Variants in LRRTM4 observed in about 807,000 individuals in gnomAD.
LRRTM4 encodes the protein leucine rich repeat transmembrane neuronal 4, also known as leucine-rich repeat transmembrane neuronal protein 4.
A neutral mutation model predicts 47.6 loss-of-function variants in LRRTM4; 25 were observed. The observed-to-expected ratio is 0.53, with a 90% CI of 0.38 to 0.73. The LOEUF is 0.73. Ranked by LOEUF, LRRTM4 falls within the 30% of genes least tolerant of loss-of-function variation. LRRTM4 has a pLI of 0.00. For missense variants in LRRTM4, 638 were observed against 713.4 expected, an observed-to-expected ratio of 0.89 and a Z score of 1.20; for synonymous variants, 311 against 269.5, an observed-to-expected ratio of 1.15 and a Z score of -1.51.
chr2:77,209,917 GCTTTTTCAAAGAGTAACT>G (rs1242548553), intron 3 of LRRTM4, among the ~76,000 whole-genome samples: 1 of 152,050 alleles, frequency 6.6e-6, no homozygotes, highest in African/African-American at 2.4e-5. Context: ...TACAATTCTT[GCTTTTTCAAAGAGTAACT>G]CTTTGACTCC....
At chr2:76,982,040 G>C (rs1157391105) in intron 3 of LRRTM4, among the ~76,000 whole-genome samples, 1 of 151,972 alleles carries the variant, frequency 6.6e-6, no homozygotes. Flanking sequence ...GCTAACAAAA[G>C]GATTGTGCTC....
intron 3 of LRRTM4, among the ~76,000 whole-genome samples, chr2:77,400,236 T>A (rs1433034323): frequency 6.6e-6 from 1 of 150,462 alleles, no homozygotes; most frequent in African/African-American, 2.5e-5. Flanking sequence ...ATTCTAAATA[T>A]TCCTGTTTTT....
chr2:76,950,142 C>T (rs1022407166), intron 3 of LRRTM4, among the ~76,000 whole-genome samples: 4 of 151,882 alleles, frequency 2.6e-5, no homozygotes, highest in African/African-American at 9.7e-5. Context: ...CAAGCCCTCC[C>T]AAACACTTCA....
chr2:77,098,670 T>C (rs906565484), intron 3 of LRRTM4, among the ~76,000 whole-genome samples: 1 of 151,430 alleles, frequency 6.6e-6, no homozygotes, highest in Admixed American at 6.6e-5. Context: ...TAAAGACTTC[T>C]GTGACTCAAA....
chr2:77,444,949 AT>A, intron 3 of LRRTM4, among the ~76,000 whole-genome samples: 1 of 70,646 alleles, frequency 1.4e-5, no homozygotes, highest in African/African-American at 4.4e-5. Flanking sequence ...ACACACACAC[AT>A]ACACACACAC....
chr2:77,506,810 CA>C (rs1236972829), intron 3 of LRRTM4, among the ~76,000 whole-genome samples: 1 of 151,560 alleles, frequency 6.6e-6, no homozygotes, highest in Non-Finnish European at 1.5e-5. Flanking sequence ...AAATGTCCAA[CA>C]AAAAAGGGAG....
intron 3 of LRRTM4, among the ~76,000 whole-genome samples, chr2:76,836,926 T>C (rs188213858): frequency 1.3e-5 from 2 of 152,134 alleles, no homozygotes; most frequent in African/African-American, 4.8e-5. Context: ...TTCACAAAAA[T>C]TTAGTTACTA....
chr2:77,435,002 G>C (rs1383699593), intron 3 of LRRTM4, among the ~76,000 whole-genome samples: 1 of 151,826 alleles, frequency 6.6e-6, no homozygotes, highest in Non-Finnish European at 1.5e-5. Context: ...GCTATCTTGG[G>C]TCATACAATT....
At chr2:77,265,256 A>G (rs1037342413) in intron 3 of LRRTM4, among the ~76,000 whole-genome samples, 3 of 152,122 alleles carry the variant, frequency 2.0e-5, no homozygotes, top group Non-Finnish European at 4.4e-5. Context: ...TATGTTAGCT[A>G]TGGTTTGAAT....
At chr2:77,337,661 T>C (rs1313911678) in intron 3 of LRRTM4, among the ~76,000 whole-genome samples, 1 of 152,094 alleles carries the variant, frequency 6.6e-6, no homozygotes, top group Non-Finnish European at 1.5e-5. Context: ...TCCACCATGA[T>C]TGTAAGTTTC....
intron 3 of LRRTM4, among the ~76,000 whole-genome samples, chr2:77,352,820 A>T (rs573013439): frequency 6.6e-6 from 1 of 152,272 alleles, no homozygotes; most frequent in South Asian, 2.1e-4. Context: ...ACTAATAGAG[A>T]AACAAAAAAT....
intron 3 of LRRTM4, among the ~76,000 whole-genome samples, chr2:76,925,401 C>A (rs1020084426): frequency 1.8e-4 from 27 of 152,114 alleles, no homozygotes; most frequent in African/African-American, 6.3e-4. Context: ...CCTCAGCTGA[C>A]CCCTTGATTT....
At chr2:76,823,489 G>C (rs140772161) in intron 3 of LRRTM4, among the ~76,000 whole-genome samples, 1 of 151,396 alleles carries the variant, frequency 6.6e-6, no homozygotes, top group East Asian at 1.9e-4. Context: ...TATTAATGCA[G>C]TAAGGATAAG....
intron 3 of LRRTM4, among the ~76,000 whole-genome samples, chr2:77,205,892 G>C (rs1360949373): frequency 6.6e-6 from 1 of 152,072 alleles, no homozygotes; most frequent in Non-Finnish European, 1.5e-5. Flanking sequence ...CTGGAGTGCA[G>C]TGGCAGGAAC....
At chr2:77,497,620 T>C (rs1279223507) in intron 3 of LRRTM4, among the ~76,000 whole-genome samples, 1 of 151,344 alleles carries the variant, frequency 6.6e-6, no homozygotes, top group East Asian at 1.9e-4. Context: ...TGTACATATA[T>C]GTATGCATGG....
intron 3 of LRRTM4, among the ~76,000 whole-genome samples, chr2:77,267,223 AC>A (rs1573169710): frequency 6.6e-6 from 1 of 152,220 alleles, no homozygotes; most frequent in East Asian, 1.9e-4. Context: ...CCAACATATT[AC>A]TAATCTAGAA....
intron 3 of LRRTM4, chr2:77,516,780 A>G (rs901639944): frequency 4.1e-6 from 4 of 975,766 alleles, no homozygotes; most frequent in Non-Finnish European, 1.2e-6. Flanking sequence ...CACAAAAAAG[A>G]AGAAAATGAA....
At chr2:76,852,282 T>C (rs755824022) in intron 3 of LRRTM4, among the ~76,000 whole-genome samples, 37 of 152,274 alleles carry the variant, frequency 2.4e-4, no homozygotes, top group Non-Finnish European at 3.8e-4. Context: ...AAGGTATCAT[T>C]CAGCTTACAC....
intron 3 of LRRTM4, among the ~76,000 whole-genome samples, chr2:77,004,377 C>A (rs1677554580): frequency 1.3e-5 from 2 of 152,176 alleles, no homozygotes; most frequent in Non-Finnish European, 2.9e-5. Flanking sequence ...CAAAGTGTAT[C>A]TTGGGACATG....
Sources: gnomAD v4.1 joint callset for allele counts (sites outside exome capture counted in the v4.1 genomes callset) on GRCh38, gnomAD v4.1.1 for gene constraint, MANE v1.5 for transcripts, NCBI Gene and HGNC (gene_info 2026-07-23, HGNC 2026-07-21) for gene names.